The following CFAP70 variants were observed in gnomAD, a reference collection of about 807,000 sequenced individuals.
CFAP70 encodes cilia and flagella associated protein 70.
CFAP70 carries 81 observed loss-of-function variants against 137.6 expected under a neutral mutation model. The ratio of observed to expected loss-of-function variants is 0.59; its 90% CI spans 0.49 to 0.71. CFAP70 has a LOEUF of 0.71. Among genes scored for constraint, CFAP70 ranks in the 30% least tolerant of loss-of-function variants. The probability of loss-of-function intolerance (pLI) is 0.00; values close to 1 mark genes in which losing one functional copy is unlikely to be tolerated. For synonymous variants in CFAP70, 382 were observed against 423.6 expected, an observed-to-expected ratio of 0.90 and a Z score of 1.20; for missense variants, 976 against 1,226.7, an observed-to-expected ratio of 0.80 and a Z score of 3.05.
In CFAP70 at chr10:73,293,246, G is replaced by A; in HGVS notation, c.1770+17C>T. ...TCACAAATAATAGTAACAATCACTG[G>A]GAAGATGTTTAATTACCTCTTTATA... is the stretch of plus-strand genomic sequence containing the variant. On this transcript the variant is annotated intron_variant, in intron 16 of 26. Coordinates refer to ENST00000310715, the Ensembl canonical transcript of CFAP70. 1 of 1,591,730 alleles carries A rather than the reference G, an allele frequency of 6.3e-7. No individual in the cohort carries two copies. Among genetic ancestry groups the A allele is most frequent in the Non-Finnish European group, 8.5e-7 (1 of 1,171,798 alleles).
At chr10:73,353,088 A>G (rs2054401658) in intron 3 of CFAP70, among the ~76,000 whole-genome samples, 1 of 152,198 alleles carries the variant, frequency 6.6e-6, no homozygotes, top group African/African-American at 2.4e-5. Context: ...GTGTTTTAAA[A>G]ATATATATAT....
intron 24 of CFAP70, among the ~76,000 whole-genome samples, chr10:73,271,856 T>G (rs1254144927): frequency 2.0e-5 from 3 of 152,054 alleles, no homozygotes. Flanking sequence ...CATGCCACCA[T>G]GCCTGGTTAA....
intron 8 of CFAP70, among the ~76,000 whole-genome samples, chr10:73,325,605 G>A (rs1443492959): frequency 3.3e-5 from 5 of 151,746 alleles, no homozygotes; most frequent in East Asian, 1.9e-4. Context: ...TCACGTGCAG[G>A]GACACACATA....
chr10:73,272,659 G>C (rs1174477892), intron 24 of CFAP70, among the ~76,000 whole-genome samples: 3 of 152,142 alleles, frequency 2.0e-5, no homozygotes, highest in Non-Finnish European at 1.5e-5. Flanking sequence ...ATATCACAAA[G>C]GAGTGTCTAT....
chr10:73,267,213 C>T (rs2045858663), intron 25 of CFAP70, among the ~76,000 whole-genome samples: 1 of 152,206 alleles, frequency 6.6e-6, no homozygotes, highest in African/African-American at 2.4e-5. Flanking sequence ...TGAGATCACT[C>T]ATGCAGCTGA....
At chr10:73,291,537 C>T (rs2048181565) in intron 18 of CFAP70, 93 bp from the exon 20 acceptor site, 1 of 1,506,176 alleles carries the variant, frequency 6.6e-7, no homozygotes. Flanking sequence ...CATATTTTAC[C>T]AAAGTTTAAG....
At chr10:73,278,723 G>A (rs1479814852) in intron 19 of CFAP70, among the ~76,000 whole-genome samples, 1 of 152,200 alleles carries the variant, frequency 6.6e-6, no homozygotes, top group Non-Finnish European at 1.5e-5. Flanking sequence ...GCTCATGCCT[G>A]TAATCCCAGC....
upstream of CFAP70, among the ~76,000 whole-genome samples, chr10:73,361,474 CTGTT>C (rs1184473495): frequency 1.3e-5 from 2 of 151,776 alleles, no homozygotes; most frequent in East Asian, 3.9e-4. Context: ...AGTGGCCACT[CTGTT>C]TGAAAGGCAT....
chr10:73,331,296 C>T lies in CFAP70; in HGVS notation c.678-20G>A. ...TGAAAACTGCAAATCAAGAATCAGT[C>T]CATTAGCATTATATGCAAAAATAAA... On this transcript the variant is annotated intron_variant, in intron 7 of 26. Transcript: ENST00000310715. 1 of 1,595,846 alleles carries T rather than the reference C, an allele frequency of 6.3e-7. No homozygotes were observed. The highest frequency in any genetic ancestry group is 8.6e-7 in the Non-Finnish European group (1 of 1,166,286).
Position 73,342,971 on chromosome 10 carries a change from G to A in CFAP70, c.400-1390C>T, listed in dbSNP as rs902140428. ...CACGCCTGTAATCCCAGCACTTTGG[G>A]AGGCCGAGGTGGGCGGATCACAAGG... is the stretch of plus-strand genomic sequence containing the variant. On this transcript the variant is annotated intron_variant, in intron 5 of 26. Transcript: ENST00000310715. Among the ~76,000 whole-genome samples, 80 of 152,076 alleles carry A rather than the reference G, an allele frequency of 5.3e-4. 1 individual carries two copies. The highest frequency in any genetic ancestry group is 1.8e-3 in the African/African-American group (73 of 41,420).
intron 4 of CFAP70, 110 bp from the exon 6 acceptor site, chr10:73,345,354 T>C (rs2053615882): frequency 1.0e-6 from 1 of 984,880 alleles, no homozygotes; most frequent in Non-Finnish European, 1.5e-6. Flanking sequence ...AGGTAAAGCT[T>C]AATTATTTCC....
chr10:73,358,532 T>C (rs1372019761), intron 1 of CFAP70, among the ~76,000 whole-genome samples: 1 of 152,206 alleles, frequency 6.6e-6, no homozygotes, highest in Non-Finnish European at 1.5e-5. Context: ...GTCGCCGGGC[T>C]GGGGTTGGCG....
At chr10:73,323,918 CAAA>C (rs1554907713) in intron 8 of CFAP70, among the ~76,000 whole-genome samples, 7 of 152,236 alleles carry the variant, frequency 4.6e-5, no homozygotes, top group Non-Finnish European at 1.5e-5. Flanking sequence ...CACAGACAAA[CAAA>C]AAGACAGCAG....
chr10:73,269,706 G>T (rs1236948845), exon 25 of CFAP70: 1 of 1,610,516 alleles, frequency 6.2e-7, no homozygotes, highest in African/African-American at 1.3e-5. Context: ...GCCTCTGTGA[G>T]CTCCTCCAGC....
At chr10:73,313,528 G>A (rs1395656940) in intron 9 of CFAP70, among the ~76,000 whole-genome samples, 3 of 138,076 alleles carry the variant, frequency 2.2e-5, no homozygotes, top group Admixed American at 7.4e-5. Flanking sequence ...GGGCTACACA[G>A]CAAGACTCTG....
intron 12 of CFAP70, 71 bp from the exon 14 acceptor site, chr10:73,299,736 A>G: frequency 7.9e-7 from 1 of 1,264,918 alleles, no homozygotes; most frequent in African/African-American, 1.5e-5. Flanking sequence ...ATTTTCTTTT[A>G]TCTTATCCTC....
At chr10:73,343,570 G>A (rs184071571) in intron 5 of CFAP70, among the ~76,000 whole-genome samples, 5 of 152,152 alleles carry the variant, frequency 3.3e-5, no homozygotes, top group East Asian at 3.9e-4. Context: ...TTAGCTGGGC[G>A]TGGTAGTGGG....
chr10:73,294,726 A>G (rs1189664943), intron 15 of CFAP70: 1 of 152,196 alleles, frequency 6.6e-6, no homozygotes, highest in Non-Finnish European at 1.5e-5. Flanking sequence ...TAAAGACCTT[A>G]CTTCACAGAG....
chr10:73,349,609 A>G (rs2054032564), intron 3 of CFAP70, among the ~76,000 whole-genome samples: 1 of 152,182 alleles, frequency 6.6e-6, no homozygotes, highest in Non-Finnish European at 1.5e-5. Context: ...TATATTGCCT[A>G]CCATAAGGCT....
Sources: allele counts gnomAD v4.1 joint callset (sites outside exome capture counted in the v4.1 genomes callset), GRCh38; gene constraint gnomAD v4.1.1; transcripts MANE v1.5; gene names NCBI Gene and HGNC (gene_info 2026-07-23, HGNC 2026-07-21).